Variants in TBC1D4 observed in about 807,000 individuals in gnomAD.
TBC1D4 encodes the protein TBC1 domain family member 4.
In TBC1D4, 121 loss-of-function variants were observed where a neutral mutation model predicts 142.5. The ratio of observed to expected loss-of-function variants is 0.85; its 90% CI spans 0.73 to 0.99. The LOEUF (loss-of-function observed/expected upper bound fraction) is 0.99. Among genes scored for constraint, TBC1D4 ranks in the 50% least tolerant of loss-of-function variants. The pLI is 0.00. For missense variants in TBC1D4, 1,475 were observed against 1,606.6 expected, an observed-to-expected ratio of 0.92 and a Z score of 1.40; for synonymous variants, 630 against 628.2, an observed-to-expected ratio of 1.00 and a Z score of -0.04.
At chr13:75,397,967 C>T (rs560360757) in intron 1 of TBC1D4, among the ~76,000 whole-genome samples, 213 of 152,226 alleles carry the variant, frequency 1.4e-3, no homozygotes, top group Non-Finnish European at 2.1e-3. Context: ...TGAAAATATC[C>T]AGCAGCTATA....
At chr13:75,450,390 A>C (rs1887486526) in intron 1 of TBC1D4, among the ~76,000 whole-genome samples, 1 of 152,210 alleles carries the variant, frequency 6.6e-6, no homozygotes, top group Non-Finnish European at 1.5e-5. Context: ...CTTTCAAAAA[A>C]AGCCCTTTAG....
Position 75,309,150 on chromosome 13 carries a change from A to G in TBC1D4, c.2593+792T>C, listed in dbSNP as rs1877487487. On this transcript the variant is annotated intron_variant, in intron 14 of 20. Transcript: ENST00000377636. The stretch of plus-strand genomic sequence containing the variant: ...ACAAGTGTAAAAATGAGACCCTTTC[A>G]GGTTAAGTGATTTTCCCAAAATAAT... 3.3e-5 allele frequency among the ~76,000 whole-genome samples: 5 copies of G among 152,288 alleles called. No individual in the cohort carries two copies. In the South Asian group the frequency reaches 1.0e-3, roughly 32 times the overall value.
chr13:75,387,212 G>T (rs1884230853), intron 1 of TBC1D4, among the ~76,000 whole-genome samples: 1 of 152,086 alleles, frequency 6.6e-6, no homozygotes, highest in Non-Finnish European at 1.5e-5. Context: ...AAGGTAGCTG[G>T]ATTCCCTTAT....
Position 75,287,041 on chromosome 13 carries a change from A to G in TBC1D4, c.3664-16T>C. The G allele has an allele frequency of 1.3e-6, 2 of 1,599,274 alleles. No homozygotes were observed. Among genetic ancestry groups the G allele is most frequent in the Non-Finnish European group, 1.7e-6 (2 of 1,166,930 alleles). ...TATGAGCTACCTGTTTGGGGGGGAAAAAATCCTCCAAATCAAATGATTCAT... is the reference window on the plus strand; with the variant it reads ...TATGAGCTACCTGTTTGGGGGGGAAGAAATCCTCCAAATCAAATGATTCAT... On this transcript the variant is annotated splice_polypyrimidine_tract_variant and intron_variant, in intron 20 of 20. Coordinates refer to ENST00000377636, the MANE Select transcript of TBC1D4 (RefSeq NM_014832.5).
At chr13:75,467,799 T>C (rs1312383282) in intron 1 of TBC1D4, among the ~76,000 whole-genome samples, 1 of 152,212 alleles carries the variant, frequency 6.6e-6, no homozygotes, top group Non-Finnish European at 1.5e-5. Context: ...ATAATCGACC[T>C]ACCAAAACCT....
At chr13:75,480,350 T>C (rs1294932757) in intron 1 of TBC1D4, among the ~76,000 whole-genome samples, 1 of 152,146 alleles carries the variant, frequency 6.6e-6, no homozygotes, top group Admixed American at 6.5e-5. Flanking sequence ...AAAACAGCAT[T>C]TTGGAAGCTT....
intron 10 of TBC1D4, 67 bp downstream of exon 10, chr13:75,326,130 A>T: frequency 6.4e-7 from 1 of 1,551,170 alleles, no homozygotes. Context: ...ATCCACCTTG[A>T]CTCCAGAGTA....
At chr13:75,316,924 T>C (rs1389371911) in intron 12 of TBC1D4, among the ~76,000 whole-genome samples, 1 of 152,246 alleles carries the variant, frequency 6.6e-6, no homozygotes, top group Admixed American at 6.5e-5. Context: ...TGGTGTTTAC[T>C]GTAATAATAA....
chr13:75,471,951 ACAAAAATTTG>A (rs1026042540), intron 1 of TBC1D4, among the ~76,000 whole-genome samples: 21 of 151,830 alleles, frequency 1.4e-4, no homozygotes, highest in Admixed American at 1.4e-3. Flanking sequence ...TACTAAAAAT[ACAAAAATTTG>A]CCGGACATGG....
intron 13 of TBC1D4, among the ~76,000 whole-genome samples, chr13:75,311,764 A>G (rs1250636330): frequency 2.0e-5 from 3 of 152,192 alleles, no homozygotes; most frequent in South Asian, 2.1e-4. Context: ...GAATATTTGT[A>G]TAAATGATTA....
chr13:75,339,824 A>G (rs1377192275), intron 7 of TBC1D4, among the ~76,000 whole-genome samples: 1 of 152,108 alleles, frequency 6.6e-6, no homozygotes, highest in Non-Finnish European at 1.5e-5. Context: ...CACCAGCCTC[A>G]GCCTCCCAAA....
chr13:75,355,446 A>G (rs1351298516), intron 4 of TBC1D4, among the ~76,000 whole-genome samples: 1 of 152,168 alleles, frequency 6.6e-6, no homozygotes, highest in Non-Finnish European at 1.5e-5. Flanking sequence ...TTACATATGA[A>G]CTCCAATTAC....
intron 14 of TBC1D4, among the ~76,000 whole-genome samples, chr13:75,309,400 A>G (rs1265206047): frequency 6.6e-6 from 1 of 152,168 alleles, no homozygotes; most frequent in Non-Finnish European, 1.5e-5. Flanking sequence ...GAAAATTTAT[A>G]AAGCATTAAC....
At chr13:75,369,353 G>A (rs1056765383) in intron 1 of TBC1D4, among the ~76,000 whole-genome samples, 1 of 152,008 alleles carries the variant, frequency 6.6e-6, no homozygotes, top group Non-Finnish European at 1.5e-5. Context: ...CCAGGAAGGA[G>A]TTGTGGCACA....
At chr13:75,449,276 A>G (rs966636926) in intron 1 of TBC1D4, among the ~76,000 whole-genome samples, 8 of 150,666 alleles carry the variant, frequency 5.3e-5, no homozygotes, top group Non-Finnish European at 1.2e-4. Flanking sequence ...ACACACACAT[A>G]TATATATTGA....
chr13:75,354,699 G>A (rs1011845927), intron 4 of TBC1D4, among the ~76,000 whole-genome samples: 4 of 151,828 alleles, frequency 2.6e-5, no homozygotes, highest in Admixed American at 6.6e-5. Flanking sequence ...GGGATGGGTG[G>A]GGAGCGGGGC....
Position 75,481,794 on chromosome 13 carries a change from G to A in TBC1D4, c.-27C>T. On this transcript the variant is annotated 5_prime_UTR_variant, in exon 1 of 21. Coordinates refer to ENST00000377636, the MANE Select transcript of TBC1D4 (RefSeq NM_014832.5). ...ACTCTCGCCTCACCAGGGCACCGCGGAGGCCGGCCGGGCGCACCGCGCCCC... is the reference window on the plus strand; with the variant it reads ...ACTCTCGCCTCACCAGGGCACCGCGAAGGCCGGCCGGGCGCACCGCGCCCC... 1.3e-6 allele frequency: 2 copies of A among 1,484,408 alleles called. No individual in the cohort carries two copies. The highest frequency in any genetic ancestry group is 1.8e-6 in the Non-Finnish European group (2 of 1,126,788). The allele number at this position is 1,484,408 out of a possible 1,614,324, so 92.0% of individuals were successfully genotyped here.
chr13:75,481,195 T>TGCCC, intron 1 of TBC1D4, 75 bp downstream of exon 1: 18 of 1,292,700 alleles, frequency 1.4e-5, no homozygotes, highest in East Asian at 1.2e-4. Flanking sequence ...TAAAGTGGGG[T>TGCCC]CCCCGCCCCT....
rs1297370505 is a variant in TBC1D4 at position 75,481,553 on chromosome 13, C to T, written c.215G>A (p.Gly72Asp). 8 of 1,595,852 alleles carry T rather than the reference C, an allele frequency of 5.0e-6. No homozygotes were observed. The highest frequency in any genetic ancestry group is 1.3e-5 in the African/African-American group (1 of 74,356). ...TCGGGCCGCCGGCGCCCCGCAGCCGCCCGCCTCGGGCTTCTGGCTGCGCCT... is the reference window on the plus strand; with the variant it reads ...TCGGGCCGCCGGCGCCCCGCAGCCGTCCGCCTCGGGCTTCTGGCTGCGCCT... ...IRRRSQKPEA[G>D]GCGAPAAREV... Residue 72 changes from glycine (G) to aspartate (D), a missense_variant, in exon 1 of 21, where the codon GGC (glycine) becomes GAC (aspartate). Around this residue, in one of 2 missense-constraint regions of TBC1D4, gnomAD observed 1,227 missense variants for 1,267.7 expected, o/e 0.97. Transcript: ENST00000377636.
Sources: allele counts gnomAD v4.1 joint callset (sites outside exome capture counted in the v4.1 genomes callset), GRCh38; gene constraint gnomAD v4.1.1; regional missense constraint gnomAD v4.1.1; transcripts MANE v1.5; gene names NCBI Gene and HGNC (gene_info 2026-07-23, HGNC 2026-07-21).